The following NLGN1 variants were observed in gnomAD, a reference collection of about 807,000 sequenced individuals.
The protein encoded by NLGN1 is neuroligin 1, also known as neuroligin-1.
Under a neutral mutation model 65.5 loss-of-function variants are expected in NLGN1, and 12 were observed. That is an observed-to-expected ratio of 0.18 (90% confidence interval 0.12 to 0.30). The LOEUF (loss-of-function observed/expected upper bound fraction) is 0.30. NLGN1 is among the 10% of genes least tolerant of loss of function. The pLI is 1.00. For synonymous variants in NLGN1, 350 were observed against 359.5 expected (o/e 0.97, Z 0.30); for missense variants, 750 against 1,007.1 (o/e 0.74, Z 3.46).
chr3:173,870,503 C>T (rs1730971300), intron 4 of NLGN1, among the ~76,000 whole-genome samples: 1 of 152,030 alleles, frequency 6.6e-6, no homozygotes, highest in Non-Finnish European at 1.5e-5. Flanking sequence ...AGTTTTCCGA[C>T]AGTTTCAACA....
chr3:173,440,565 A>G (rs146506337), intron 2 of NLGN1, among the ~76,000 whole-genome samples: 95 of 152,300 alleles, frequency 6.2e-4, no homozygotes, highest in African/African-American at 2.1e-3. Context: ...TGAAAACGAC[A>G]TTAATCTTGT....
intron 4 of NLGN1, among the ~76,000 whole-genome samples, chr3:173,920,287 C>A (rs934397396): frequency 2.0e-5 from 3 of 152,046 alleles, no homozygotes; most frequent in African/African-American, 7.2e-5. Context: ...TTCATTGACT[C>A]CTAAAGCAGG....
At chr3:173,404,902 C>G (rs527301390) in intron 1 of NLGN1, among the ~76,000 whole-genome samples, 1 of 151,924 alleles carries the variant, frequency 6.6e-6, no homozygotes, top group Non-Finnish European at 1.5e-5. Flanking sequence ...GAAAGAACAC[C>G]CCAGTATTAA....
At chr3:174,104,270 C>T (rs1054427463) in intron 4 of NLGN1, among the ~76,000 whole-genome samples, 15 of 152,120 alleles carry the variant, frequency 9.9e-5, no homozygotes, top group Admixed American at 3.9e-4. Context: ...GACTTGTGAG[C>T]TTTAAGATAT....
intron 1 of NLGN1, among the ~76,000 whole-genome samples, chr3:173,422,000 C>G (rs749022080): frequency 2.6e-5 from 4 of 151,936 alleles, no homozygotes; most frequent in Non-Finnish European, 5.9e-5. Flanking sequence ...GTTTAATGAT[C>G]AAATCAGAAT....
intron 1 of NLGN1, among the ~76,000 whole-genome samples, chr3:173,419,794 C>T (rs78882963): frequency 6.6e-6 from 1 of 151,872 alleles, no homozygotes; most frequent in Non-Finnish European, 1.5e-5. Flanking sequence ...CATGGTGAAA[C>T]CCCATCTCTA....
At chr3:174,034,740 C>T (rs1180463533) in intron 4 of NLGN1, among the ~76,000 whole-genome samples, 1 of 151,770 alleles carries the variant, frequency 6.6e-6, no homozygotes, top group Non-Finnish European at 1.5e-5. Context: ...TTGTTTAAAA[C>T]CAGAAAATGC....
chr3:173,412,575 C>CT lies in NLGN1; in HGVS notation c.-390+14089dup, dbSNP rs1712813993. 3.3e-5 allele frequency among the ~76,000 whole-genome samples: 5 copies of CT among 151,752 alleles called. 1 individual carries two copies. The highest frequency in any genetic ancestry group is 4.1e-4 in the South Asian group (2 of 4,822). On this transcript the variant is annotated intron_variant, in intron 1 of 6. Coordinates refer to ENST00000457714, the Ensembl canonical transcript of NLGN1. ...GTGAAACTCTATCTTAATTACCACA[C>CT]TAACAAAATATTTCAGGAAAATATA... is the stretch of plus-strand genomic sequence containing the variant.
At chr3:173,415,429 C>T (rs983279583) in intron 1 of NLGN1, among the ~76,000 whole-genome samples, 6 of 152,098 alleles carry the variant, frequency 3.9e-5, no homozygotes, top group Non-Finnish European at 7.4e-5. Flanking sequence ...AAATCTCTCC[C>T]GGAAAAAGTA....
intron 4 of NLGN1, among the ~76,000 whole-genome samples, chr3:174,168,918 C>T (rs1277003202): frequency 1.3e-5 from 2 of 152,152 alleles, no homozygotes; most frequent in Non-Finnish European, 2.9e-5. Context: ...GTCTAAACTC[C>T]TAATCCAAGA....
chr3:173,877,831 C>T (rs1299431734), intron 4 of NLGN1, among the ~76,000 whole-genome samples: 2 of 152,060 alleles, frequency 1.3e-5, no homozygotes, highest in African/African-American at 4.8e-5. Context: ...TATATAATTT[C>T]TGCAATAGTA....
intron 4 of NLGN1, among the ~76,000 whole-genome samples, chr3:173,862,765 A>G (rs1202522025): frequency 6.6e-6 from 1 of 152,098 alleles, no homozygotes; most frequent in Non-Finnish European, 1.5e-5. Context: ...TTTATTAGTA[A>G]AAACCATTGA....
chr3:173,888,774 G>A (rs1397315799), intron 4 of NLGN1, among the ~76,000 whole-genome samples: 1 of 152,012 alleles, frequency 6.6e-6, no homozygotes, highest in Admixed American at 6.6e-5. Context: ...GAGTGTTGAA[G>A]AAGACATTAA....
At chr3:174,191,364 GTAGA>G (rs1264032374) in intron 4 of NLGN1, among the ~76,000 whole-genome samples, 2 of 152,118 alleles carry the variant, frequency 1.3e-5, no homozygotes, top group Admixed American at 1.3e-4. Flanking sequence ...TCAAAGTACA[GTAGA>G]TAATTATTTT....
At chr3:173,893,973 A>C (rs868807352) in intron 4 of NLGN1, among the ~76,000 whole-genome samples, 2 of 152,162 alleles carry the variant, frequency 1.3e-5, no homozygotes, top group Non-Finnish European at 2.9e-5. Flanking sequence ...CATTAATTCT[A>C]ACTGAAATGT....
At chr3:173,642,877 C>T (rs1278736281) in intron 3 of NLGN1, among the ~76,000 whole-genome samples, 1 of 152,138 alleles carries the variant, frequency 6.6e-6, no homozygotes, top group Non-Finnish European at 1.5e-5. Context: ...ACTAAGTCAA[C>T]TGACACTGTA....
chr3:173,536,527 T>G (rs1442159732), intron 2 of NLGN1, among the ~76,000 whole-genome samples: 1 of 152,238 alleles, frequency 6.6e-6, no homozygotes, highest in African/African-American at 2.4e-5. Flanking sequence ...CTTCATGTAC[T>G]TGTTAACATG....
At chr3:173,594,471 C>T (rs1577438940) in intron 2 of NLGN1, among the ~76,000 whole-genome samples, 4 of 152,082 alleles carry the variant, frequency 2.6e-5, no homozygotes, top group Admixed American at 2.6e-4. Flanking sequence ...GCAGCTCTAC[C>T]CCTGTGGCTT....
chr3:173,871,820 A>G (rs1019373084), intron 4 of NLGN1, among the ~76,000 whole-genome samples: 4 of 152,172 alleles, frequency 2.6e-5, no homozygotes, highest in African/African-American at 9.7e-5. Flanking sequence ...TTAAGGTGTG[A>G]TATGTCCAGT....
Sources: gnomAD v4.1 joint callset for allele counts (sites outside exome capture counted in the v4.1 genomes callset) on GRCh38, gnomAD v4.1.1 for gene constraint, MANE v1.5 for transcripts, NCBI Gene and HGNC (gene_info 2026-07-23, HGNC 2026-07-21) for gene names.